Variants in FERRY3 observed in about 807,000 individuals in gnomAD.
FERRY3 encodes the protein FERRY endosomal RAB5 effector complex subunit 3.
the FERRY3 span, among the ~76,000 whole-genome samples, chr12:4,519,821 G>A: frequency 6.6e-6 from 1 of 152,182 alleles, no homozygotes. This position sits in a 1 kb window ranked among gnomAD's most constrained non-coding sequence, Gnocchi z 4.3. Flanking sequence ...AAGCGATCGA[G>A]GTTGTGTGCT....
the FERRY3 span, among the ~76,000 whole-genome samples, chr12:4,517,860 T>C: frequency 6.6e-6 from 1 of 151,934 alleles, no homozygotes; most frequent in Non-Finnish European, 1.5e-5. Context: ...TAATAGCATT[T>C]TAAGAAAAAT....
At chr12:4,537,051 A>G in the FERRY3 span, among the ~76,000 whole-genome samples, 1 of 152,266 alleles carries the variant, frequency 6.6e-6, no homozygotes, top group South Asian at 2.1e-4. Flanking sequence ...AGTTTACAAC[A>G]CCCCTGCTTA....
At chr12:4,518,309 G>A in the FERRY3 span, 6 of 1,499,444 alleles carry the variant, frequency 4.0e-6, no homozygotes, top group South Asian at 1.1e-5. Flanking sequence ...AGAAAGTCCA[G>A]TATAACAAGA....
At chr12:4,500,378 T>C in the FERRY3 span, 1 of 1,561,286 alleles carries the variant, frequency 6.4e-7, no homozygotes, top group African/African-American at 1.4e-5. Flanking sequence ...ACCAAATGCC[T>C]AAGTAAGTCA....
chr12:4,517,708 G>T, the FERRY3 span, among the ~76,000 whole-genome samples: 22 of 122,738 alleles, frequency 1.8e-4, no homozygotes, highest in African/African-American at 7.8e-4. Context: ...TATATATATA[G>T]ACAGAGAGAG....
the FERRY3 span, chr12:4,530,161 CT>C: frequency 4.5e-6 from 4 of 892,202 alleles, no homozygotes; most frequent in Non-Finnish European, 6.8e-6. Context: ...CAGAAAGACC[CT>C]CTTATATATA....
the FERRY3 span, among the ~76,000 whole-genome samples, chr12:4,530,817 T>C: frequency 6.6e-6 from 1 of 151,540 alleles, no homozygotes; most frequent in African/African-American, 2.4e-5. Flanking sequence ...TCCAGGGAGG[T>C]ACAGATGCCT....
At chr12:4,510,666 AAT>A in the FERRY3 span, among the ~76,000 whole-genome samples, 2 of 151,242 alleles carry the variant, frequency 1.3e-5, no homozygotes, top group Admixed American at 1.3e-4. Context: ...GTGAAGGAGA[AAT>A]AAAATACTTT....
the FERRY3 span, among the ~76,000 whole-genome samples, chr12:4,537,406 A>C: frequency 6.6e-5 from 10 of 152,204 alleles, no homozygotes; most frequent in Non-Finnish European, 1.0e-4. Flanking sequence ...GTCTTCTTGA[A>C]GTGGAAGGAA....
chr12:4,531,320 T>C, the FERRY3 span, among the ~76,000 whole-genome samples: 12 of 152,336 alleles, frequency 7.9e-5, no homozygotes, highest in African/African-American at 2.9e-4. Flanking sequence ...TAAAATTCAC[T>C]TCAGGGCAAA....
the FERRY3 span, among the ~76,000 whole-genome samples, chr12:4,503,625 T>G: frequency 6.6e-6 from 1 of 152,230 alleles, no homozygotes; most frequent in Non-Finnish European, 1.5e-5. Flanking sequence ...AACTGAATAC[T>G]TTAATATTCC....
chr12:4,513,096 AAC>A, the FERRY3 span, among the ~76,000 whole-genome samples: 2 of 55,464 alleles, frequency 3.6e-5, no homozygotes, highest in Admixed American at 2.1e-4. Flanking sequence ...ATACACCAAC[AAC>A]AGACAAACAG....
the FERRY3 span, chr12:4,489,318 T>C: frequency 6.5e-6 from 1 of 152,806 alleles, no homozygotes; most frequent in African/African-American, 2.4e-5. Flanking sequence ...CTTATACATT[T>C]GTGTTTCTAT....
the FERRY3 span, chr12:4,518,883 A>G: frequency 2.0e-6 from 3 of 1,525,050 alleles, no homozygotes; most frequent in Non-Finnish European, 2.7e-6. Context: ...TTTCCTCACT[A>G]AAAGTAATAA....
chr12:4,517,333 G>A, the FERRY3 span: 1 of 955,216 alleles, frequency 1.0e-6, no homozygotes, highest in African/African-American at 1.7e-5. Context: ...AAATAATTAT[G>A]CCTTAAGTTA....
chr12:4,497,539 A>C, the FERRY3 span, among the ~76,000 whole-genome samples: 19 of 152,234 alleles, frequency 1.2e-4, no homozygotes, highest in Non-Finnish European at 1.9e-4. Flanking sequence ...CAAAATCTTC[A>C]TTAGTAACCA....
the FERRY3 span, chr12:4,517,038 TA>T: frequency 6.6e-7 from 1 of 1,508,732 alleles, no homozygotes; most frequent in South Asian, 1.5e-5. Flanking sequence ...AGACAGAATA[TA>T]ATAAAAGTGA....
the FERRY3 span, among the ~76,000 whole-genome samples, chr12:4,511,447 C>T: frequency 6.6e-6 from 1 of 152,126 alleles, no homozygotes; most frequent in East Asian, 1.9e-4. Flanking sequence ...ATTTTTTTAG[C>T]ACCACACCAC....
chr12:4,523,220 C>G, the FERRY3 span, among the ~76,000 whole-genome samples: 1 of 152,168 alleles, frequency 6.6e-6, no homozygotes, highest in Non-Finnish European at 1.5e-5. Context: ...CCCAAAGAAA[C>G]ATCTATCAAA....
Sources: gnomAD v4.1 joint callset for allele counts (sites outside exome capture counted in the v4.1 genomes callset) on GRCh38, gnomAD v4.1.1 for gene constraint, Gnocchi (gnomAD v3.1) non-coding constraint, MANE v1.5 for transcripts, NCBI Gene and HGNC (gene_info 2026-07-23, HGNC 2026-07-21) for gene names.